Variants in NAA15 observed in about 807,000 individuals in gnomAD.
NAA15 encodes N-alpha-acetyltransferase 15, NatA auxiliary subunit, also known as N-terminal acetyltransferase.
A neutral mutation model predicts 114.0 loss-of-function variants in NAA15; 34 were observed. The observed-to-expected ratio is 0.30, with a 90% CI of 0.23 to 0.40. The LOEUF is 0.40. Ranked by LOEUF, NAA15 falls within the 10% of genes least tolerant of loss-of-function variation. The probability of loss-of-function intolerance (pLI) is 1.00; values close to 1 mark genes in which losing one functional copy is unlikely to be tolerated. For synonymous variants in NAA15, 340 were observed against 338.0 expected (o/e 1.01, Z -0.06); for missense variants, 658 against 1,004.5 (o/e 0.66, Z 4.66).
intron 1 of NAA15, among the ~76,000 whole-genome samples, chr4:139,332,497 C>G (rs1042854616): frequency 1.3e-5 from 2 of 149,970 alleles, no homozygotes; most frequent in South Asian, 2.1e-4. Context: ...AATACATGGA[C>G]ACAAAAGTTT....
chr4:139,370,398 G>T lies in NAA15; in HGVS notation c.1941G>T (p.Leu647=), dbSNP rs1357757209. The T allele has an allele frequency of 4.5e-6, 7 of 1,572,394 alleles. No individual in the cohort carries two copies. Among genetic ancestry groups the T allele is most frequent in the Non-Finnish European group, 6.0e-6 (7 of 1,168,374 alleles). The part of the protein sequence containing the change: ...GPKEELIPEK[L]AKVETPLEEA... ...AAGAAGAACTTATTCCAGAGAAACT[G>T]GCCAAGGTACTTAATAATAGTGTTT... Residue 647 remains leucine (L), a synonymous_variant, in exon 15 of 20, where the codon CTG becomes CTT. Transcript: ENST00000296543.
intron 3 of NAA15, among the ~76,000 whole-genome samples, chr4:139,337,526 T>TA (rs1747239227): frequency 6.6e-6 from 1 of 152,170 alleles, no homozygotes; most frequent in African/African-American, 2.4e-5. Context: ...ATGAGATATA[T>TA]AACATAGCCC....
chr4:139,372,120 G>A (rs908362139), intron 15 of NAA15, among the ~76,000 whole-genome samples: 1 of 152,166 alleles, frequency 6.6e-6, no homozygotes, highest in African/African-American at 2.4e-5. Context: ...GTTTCACTGT[G>A]TTAGCTAGGA....
chr4:139,378,715 T>C, intron 16 of NAA15, 41 bp from the exon 17 acceptor site: 1 of 1,341,370 alleles, frequency 7.5e-7, no homozygotes, highest in Non-Finnish European at 1.0e-6. Context: ...GGAGGCCTCT[T>C]ATCCAATGAT....
chr4:139,331,452 C>CT (rs544614680), intron 1 of NAA15, among the ~76,000 whole-genome samples: 203 of 143,394 alleles, frequency 1.4e-3, no homozygotes, highest in Middle Eastern at 7.1e-3. Context: ...TTCTTTCTTT[C>CT]TTTTTTTTTT....
At chr4:139,337,323 T>G (rs1747231052) in intron 3 of NAA15, among the ~76,000 whole-genome samples, 1 of 152,150 alleles carries the variant, frequency 6.6e-6, no homozygotes, top group African/African-American at 2.4e-5. Flanking sequence ...GGATATAAAA[T>G]AAGGAATATT....
At position 139,389,961 on chromosome 4, in the gene NAA15, CTT is replaced by C. The variant is rs1032751831; in HGVS notation, c.*1883_*1884del. On this transcript the variant is annotated 3_prime_UTR_variant, in exon 20 of 20. Coordinates refer to ENST00000296543, the MANE Select transcript of NAA15 (RefSeq NM_057175.5). ...TTAACAGATGGCAAAAAAACAAAAACTTTTTTTCAACTCCTATGAGTGGCAAC... is the reference window on the plus strand; with the variant it reads ...TTAACAGATGGCAAAAAAACAAAAACTTTTTCAACTCCTATGAGTGGCAAC... 5.9e-5 allele frequency: 9 copies of C among 152,544 alleles called. No homozygotes were observed. Among genetic ancestry groups the C allele is most frequent in the Non-Finnish European group, 1.0e-4 (7 of 68,002 alleles). The allele number at this position is 152,544 out of a possible 1,614,324, so 9.4% of individuals were successfully genotyped here.
At chr4:139,329,915 G>C (rs944692957) in intron 1 of NAA15, among the ~76,000 whole-genome samples, 3 of 152,132 alleles carry the variant, frequency 2.0e-5, no homozygotes, top group African/African-American at 7.2e-5. Flanking sequence ...TGTGAGCTAG[G>C]AAGTGCCTCC....
chr4:139,327,700 C>T (rs938985889), intron 1 of NAA15, among the ~76,000 whole-genome samples: 2 of 152,184 alleles, frequency 1.3e-5, no homozygotes, highest in African/African-American at 2.4e-5. Context: ...GAGTCTCACT[C>T]TGTTGCCCAG....
At chr4:139,304,430 C>T (rs1745938517) in intron 1 of NAA15, among the ~76,000 whole-genome samples, 1 of 152,230 alleles carries the variant, frequency 6.6e-6, no homozygotes. Flanking sequence ...TGCTCGCGCA[C>T]GCGGGTGCAG....
At position 139,321,470 on chromosome 4, in the gene NAA15, TG is replaced by T. The variant is rs1477219890; in HGVS notation, c.55-12703del. 1.5e-4 allele frequency among the ~76,000 whole-genome samples: 21 copies of T among 137,784 alleles called. No homozygotes were observed. The South Asian group carries it at 4.2e-3, about 28-fold the overall frequency. The allele number at this position is 137,784 out of a possible 152,430, so 90.4% of individuals were successfully genotyped here. On this transcript the variant is annotated intron_variant, in intron 1 of 19. Transcript: ENST00000296543. ...TGAGCCACAGTGCCTGGCCCTTATT[TG>T]TTTTTTTTTTTTTTTTTTGAAACGG...
At chr4:139,362,580 C>T (rs186565447) in intron 14 of NAA15, among the ~76,000 whole-genome samples, 1 of 152,172 alleles carries the variant, frequency 6.6e-6, no homozygotes, top group African/African-American at 2.4e-5. Context: ...CAGGCATGAG[C>T]CACTATTCCC....
Position 139,344,178 on chromosome 4 carries a change from A to T in NAA15, c.538-8A>T. The T allele has an allele frequency of 1.2e-6, 2 of 1,602,712 alleles. No homozygotes were observed. The highest frequency in any genetic ancestry group is 1.7e-6 in the Non-Finnish European group (2 of 1,173,962). ...CTTACTGTCAGTATTCCTTATATCC[A>T]TATACAGACATCCCCTGACAAGGTG... On this transcript the variant is annotated splice_region_variant and splice_polypyrimidine_tract_variant and intron_variant, in intron 5 of 19. Transcript: ENST00000296543.
intron 15 of NAA15, among the ~76,000 whole-genome samples, chr4:139,372,098 A>T: frequency 6.6e-6 from 1 of 151,994 alleles, no homozygotes; most frequent in Non-Finnish European, 1.5e-5. Context: ...TTGTATTTTT[A>T]GTAGAGACGG....
chr4:139,351,640 G>A (rs1291114063), intron 9 of NAA15, 29 bp downstream of exon 9: 2 of 1,149,998 alleles, frequency 1.7e-6, no homozygotes, highest in African/African-American at 3.0e-5. Flanking sequence ...CTTTCTTTTG[G>A]CTACCATTTC....
intron 1 of NAA15, chr4:139,302,238 G>T: frequency 5.2e-6 from 1 of 191,722 alleles, no homozygotes; most frequent in Non-Finnish European, 1.1e-5. Context: ...GGAACAGGTG[G>T]TGCGGATGCA....
At chr4:139,318,769 G>A (rs539236922) in intron 1 of NAA15, among the ~76,000 whole-genome samples, 17 of 151,970 alleles carry the variant, frequency 1.1e-4, no homozygotes, top group African/African-American at 3.6e-4. Flanking sequence ...CAAGAGAATT[G>A]CTTAAACCCG....
chr4:139,376,142 G>A (rs1024917186), intron 15 of NAA15, among the ~76,000 whole-genome samples: 1 of 151,828 alleles, frequency 6.6e-6, no homozygotes, highest in Non-Finnish European at 1.5e-5. Context: ...TTTTTGGATA[G>A]TTTCTATCCA....
intron 1 of NAA15, among the ~76,000 whole-genome samples, chr4:139,317,107 A>G (rs558141953): frequency 3.6e-4 from 55 of 151,938 alleles, no homozygotes; most frequent in African/African-American, 1.3e-3. Flanking sequence ...ATCCTCAGTC[A>G]TATTACATGT....
Sources: gnomAD v4.1 joint callset for allele counts (sites outside exome capture counted in the v4.1 genomes callset) on GRCh38, gnomAD v4.1.1 for gene constraint, MANE v1.5 for transcripts, NCBI Gene and HGNC (gene_info 2026-07-23, HGNC 2026-07-21) for gene names.